The following EPHA3 variants were observed in gnomAD, a reference collection of about 807,000 sequenced individuals.
EPHA3 encodes ephrin type-A receptor 3.
A neutral mutation model predicts 107.1 loss-of-function variants in EPHA3; 42 were observed. The ratio of observed to expected loss-of-function variants is 0.39; its 90% CI spans 0.31 to 0.51. The LOEUF (loss-of-function observed/expected upper bound fraction) is 0.51, where lower values mean the gene tolerates loss of function less well. Among genes scored for constraint, EPHA3 ranks in the 20% least tolerant of loss-of-function variants. The pLI is 0.78. For missense variants in EPHA3, 1,183 were observed against 1,211.2 expected (o/e 0.98, Z 0.35); for synonymous variants, 461 against 424.8 (o/e 1.09, Z -1.05).
chr3:89,161,656 G>A (rs765594696), intron 2 of EPHA3, among the ~76,000 whole-genome samples: 3 of 152,010 alleles, frequency 2.0e-5, no homozygotes, highest in Non-Finnish European at 4.4e-5. Context: ...GTAACCTTGT[G>A]TGAATATCCT....
At chr3:89,157,449 T>A (rs1704831526) in intron 2 of EPHA3, among the ~76,000 whole-genome samples, 1 of 152,012 alleles carries the variant, frequency 6.6e-6, no homozygotes, top group African/African-American at 2.4e-5. Context: ...CAAAACCAGA[T>A]CTCTTGCAAA....
intron 2 of EPHA3, among the ~76,000 whole-genome samples, chr3:89,190,036 A>C (rs7631932): frequency 0.14 from 21,621 of 152,136 alleles, 1,683 homozygotes; most frequent in African/African-American, 0.21. Flanking sequence ...CTTCCTGTGC[A>C]ACAGTATTAA....
chr3:89,201,196 G>A (rs1559597300), intron 2 of EPHA3, among the ~76,000 whole-genome samples: 2 of 151,954 alleles, frequency 1.3e-5, no homozygotes, highest in Non-Finnish European at 2.9e-5. Context: ...GAGCAAAGAG[G>A]GAAGGTTTGC....
rs534254094 is a variant in EPHA3, at chr3:89,295,647, C to T, written c.815-45269C>T. 1.8e-4 allele frequency among the ~76,000 whole-genome samples: 27 copies of T among 152,008 alleles called. No homozygotes were observed. The East Asian group carries it at 2.1e-3, about 12-fold the overall frequency. ...TTCTCTGTCACTCAGGTTGGAGTGC[C>T]GTGGTGCAATCTCAGCTCGCTGCAA... On this transcript the variant is annotated intron_variant, in intron 3 of 16. Coordinates refer to ENST00000336596, the MANE Select transcript of EPHA3 (RefSeq NM_005233.6).
chr3:89,203,424 G>T (rs1221995209), intron 2 of EPHA3, among the ~76,000 whole-genome samples: 1 of 151,884 alleles, frequency 6.6e-6, no homozygotes, highest in Non-Finnish European at 1.5e-5. Context: ...CGGTATCATT[G>T]CAACAGACCT....
At chr3:89,297,329 C>T (rs999552688) in intron 3 of EPHA3, among the ~76,000 whole-genome samples, 1 of 152,050 alleles carries the variant, frequency 6.6e-6, no homozygotes, top group African/African-American at 2.4e-5. Context: ...CTTTCTTTCA[C>T]TTGAACACTT....
At chr3:89,309,212 G>C (rs184086021) in intron 3 of EPHA3, among the ~76,000 whole-genome samples, 58 of 152,202 alleles carry the variant, frequency 3.8e-4, no homozygotes, top group African/African-American at 1.4e-3. Flanking sequence ...GAATGAATGG[G>C]TATAAGAAAG....
At chr3:89,204,810 G>A (rs554879360) in intron 2 of EPHA3, among the ~76,000 whole-genome samples, 2 of 152,186 alleles carry the variant, frequency 1.3e-5, no homozygotes, top group African/African-American at 2.4e-5. Flanking sequence ...CTTCCAGGAC[G>A]AAGACTGGAT....
chr3:89,242,583 G>T (rs371268869), intron 3 of EPHA3, among the ~76,000 whole-genome samples: 1 of 151,670 alleles, frequency 6.6e-6, no homozygotes, highest in South Asian at 2.1e-4. Context: ...GACTACGGGC[G>T]CCCACCACCA....
At chr3:89,420,206 T>G (rs971473997) in intron 11 of EPHA3, among the ~76,000 whole-genome samples, 1 of 151,458 alleles carries the variant, frequency 6.6e-6, no homozygotes, top group African/African-American at 2.4e-5. Flanking sequence ...GGCAGGGAAT[T>G]TGGCATCCTT....
chr3:89,375,460 A>T (rs1452580042), intron 5 of EPHA3, among the ~76,000 whole-genome samples: 2 of 151,678 alleles, frequency 1.3e-5, no homozygotes, highest in Non-Finnish European at 1.5e-5. Context: ...CCTGTGGGAA[A>T]CTGGAGCTTA....
chr3:89,268,406 G>A (rs1041595466), intron 3 of EPHA3, among the ~76,000 whole-genome samples: 1 of 152,028 alleles, frequency 6.6e-6, no homozygotes, highest in African/African-American at 2.4e-5. Context: ...AATAAGAAAG[G>A]TTCGCTCATC....
chr3:89,333,898 A>T (rs189120241), intron 3 of EPHA3, among the ~76,000 whole-genome samples: 1 of 152,080 alleles, frequency 6.6e-6, no homozygotes, highest in Admixed American at 6.6e-5. Flanking sequence ...AAAAATAAAA[A>T]ACCTCACTGC....
intron 5 of EPHA3, among the ~76,000 whole-genome samples, chr3:89,348,247 G>T (rs1197368933): frequency 1.1e-4 from 14 of 132,278 alleles, no homozygotes; most frequent in African/African-American, 4.0e-4. Flanking sequence ...TCTGGTCCTG[G>T]ACTCTTTTTG....
intron 3 of EPHA3, among the ~76,000 whole-genome samples, chr3:89,279,690 GC>G (rs1705894177): frequency 6.6e-6 from 1 of 151,894 alleles, no homozygotes; most frequent in South Asian, 2.1e-4. Flanking sequence ...CTTATTTGGT[GC>G]AATTCTAAAG....
chr3:89,369,660 T>G (rs1332027360), intron 5 of EPHA3, among the ~76,000 whole-genome samples: 1 of 147,966 alleles, frequency 6.8e-6, no homozygotes, highest in Non-Finnish European at 1.5e-5. Flanking sequence ...ACAAATGGGA[T>G]CTAATTAAAC....
intron 3 of EPHA3, among the ~76,000 whole-genome samples, chr3:89,268,527 T>G (rs779646700): frequency 1.3e-5 from 2 of 152,046 alleles, no homozygotes; most frequent in Non-Finnish European, 2.9e-5. Flanking sequence ...GTCTATCTGG[T>G]TTTCATGTTT....
At chr3:89,349,500 C>T (rs1274260057) in intron 5 of EPHA3, among the ~76,000 whole-genome samples, 3 of 149,338 alleles carry the variant, frequency 2.0e-5, no homozygotes, top group East Asian at 1.9e-4. Flanking sequence ...TATTTTGAGC[C>T]TATGTGTGTC....
intron 5 of EPHA3, among the ~76,000 whole-genome samples, chr3:89,364,001 T>C (rs1708144331): frequency 6.6e-6 from 1 of 150,726 alleles, no homozygotes; most frequent in Non-Finnish European, 1.5e-5. Flanking sequence ...ACAAACTGCT[T>C]TGTGGAAAAG....
Sources: allele counts gnomAD v4.1 joint callset (sites outside exome capture counted in the v4.1 genomes callset), GRCh38; gene constraint gnomAD v4.1.1; transcripts MANE v1.5; gene names NCBI Gene and HGNC (gene_info 2026-07-23, HGNC 2026-07-21).